BLVRA: variants seen among roughly 807,000 people sequenced by gnomAD.
BLVRA encodes BVR A.
In BLVRA, 22 loss-of-function variants were observed where a neutral mutation model predicts 32.8. The ratio of observed to expected loss-of-function variants is 0.67; its 90% CI spans 0.48 to 0.96. The LOEUF is 0.96. BLVRA is among the 40% of genes least tolerant of loss of function. The pLI is 0.00. For synonymous variants in BLVRA, 119 were observed against 141.3 expected (o/e 0.84, Z 1.12); for missense variants, 323 against 358.1 (o/e 0.90, Z 0.79).
At position 43,776,825 on chromosome 7, in the gene BLVRA, C is replaced by T. The variant is rs548561700; in HGVS notation, c.12+5655C>T. On this transcript the variant is annotated intron_variant, in intron 2 of 7. Transcript: ENST00000265523. ...GACTTGCTTTATGAATCTGGGTGCT[C>T]CTGTATTGGGTGCATATATATTTAG... 9.4e-4 allele frequency among the ~76,000 whole-genome samples: 143 copies of T among 152,140 alleles called. No individual in the cohort carries two copies. The Middle Eastern group carries it at 0.014, about 14-fold the overall frequency.
At chr7:43,766,139 G>A (rs942861302) in intron 1 of BLVRA, among the ~76,000 whole-genome samples, 7 of 151,932 alleles carry the variant, frequency 4.6e-5, no homozygotes, top group African/African-American at 9.6e-5. Flanking sequence ...AATAATTAGC[G>A]TGGTGGTGTG....
intron 1 of BLVRA, among the ~76,000 whole-genome samples, chr7:43,770,007 G>T (rs6972339): frequency 0.011 from 1,612 of 152,312 alleles, 31 homozygotes; most frequent in African/African-American, 0.037. Context: ...GTTTGTTTTG[G>T]AATGGGGGTG....
intron 1 of BLVRA, among the ~76,000 whole-genome samples, chr7:43,765,695 A>G (rs1465309730): frequency 6.6e-6 from 1 of 152,242 alleles, no homozygotes; most frequent in Non-Finnish European, 1.5e-5. Context: ...ACTTGGTAAG[A>G]TGTTCTAAAA....
chr7:43,771,642 A>G (rs2095754761), intron 2 of BLVRA, among the ~76,000 whole-genome samples: 1 of 152,188 alleles, frequency 6.6e-6, no homozygotes, highest in Non-Finnish European at 1.5e-5. Context: ...CTTGGGGTTC[A>G]TCACTTCAGC....
intron 1 of BLVRA, among the ~76,000 whole-genome samples, chr7:43,767,092 G>A (rs115881047): frequency 0.01 from 1,554 of 152,182 alleles, 29 homozygotes; most frequent in African/African-American, 0.036. Flanking sequence ...CTTCTTTCTC[G>A]TGCATATGCA....
At chr7:43,802,034 T>C (rs1030524545) in intron 6 of BLVRA, among the ~76,000 whole-genome samples, 6 of 151,908 alleles carry the variant, frequency 3.9e-5, no homozygotes, top group Non-Finnish European at 7.4e-5. Flanking sequence ...TTCAGCTACT[T>C]GAAAGGCTGA....
intron 3 of BLVRA, among the ~76,000 whole-genome samples, chr7:43,788,803 A>AT (rs764196616): frequency 0.011 from 1,477 of 139,584 alleles, 15 homozygotes; most frequent in East Asian, 0.049. Context: ...CGCCTGGATA[A>AT]TTTTTTTTTT....
intron 2 of BLVRA, among the ~76,000 whole-genome samples, chr7:43,776,600 G>GA (rs1242978453): frequency 6.6e-6 from 1 of 152,090 alleles, no homozygotes; most frequent in Non-Finnish European, 1.5e-5. Context: ...GTGTGGTGCC[G>GA]AAAAAAATGT....
chr7:43,801,619 CTG>C (rs3063069), intron 6 of BLVRA, among the ~76,000 whole-genome samples: 16,449 of 148,960 alleles, frequency 0.11, 1,117 homozygotes, highest in Non-Finnish European at 0.16. Context: ...GTACAAGAAA[CTG>C]TGTTAAGTTA....
chr7:43,770,557 T>C lies in BLVRA; in HGVS notation c.-21-581T>C, dbSNP rs182606355. 3.0e-4 allele frequency among the ~76,000 whole-genome samples: 46 copies of C among 152,250 alleles called. 1 individual carries two copies. Among genetic ancestry groups the C allele is most frequent in the Middle Eastern group, 3.4e-3 (1 of 294 alleles). On this transcript the variant is annotated intron_variant, in intron 1 of 7. Transcript: ENST00000265523. ...GACCCCTGTTAAGCCGTGTTGTTGC[T>C]TTCTTTTCCTTCACTCTCTGGTCTC...
chr7:43,761,836 AAGT>A (rs1411173069), intron 1 of BLVRA, among the ~76,000 whole-genome samples: 2 of 152,218 alleles, frequency 1.3e-5, no homozygotes, highest in Non-Finnish European at 2.9e-5. Context: ...AGCAAAAAGA[AAGT>A]AGTCACTAAA....
chr7:43,758,414 G>T (rs1224262224), upstream of BLVRA, among the ~76,000 whole-genome samples: 1 of 111,278 alleles, frequency 9.0e-6, no homozygotes, highest in Non-Finnish European at 2.3e-5. Flanking sequence ...ACGCCCTCCG[G>T]TCGGCCGGCA....
intron 5 of BLVRA, 38 bp from the exon 6 acceptor site, chr7:43,800,427 T>A (rs977286663): frequency 6.3e-7 from 1 of 1,587,732 alleles, no homozygotes; most frequent in Non-Finnish European, 8.6e-7. Flanking sequence ...TAGACACAAC[T>A]GACGACTGCC....
intron 1 of BLVRA, among the ~76,000 whole-genome samples, chr7:43,765,113 T>C (rs1207216225): frequency 2.0e-5 from 3 of 152,250 alleles, no homozygotes; most frequent in Non-Finnish European, 2.9e-5. Context: ...AGGAGAAACC[T>C]GCTTTAAATT....
At chr7:43,797,793 A>T (rs953726123) in intron 5 of BLVRA, among the ~76,000 whole-genome samples, 3 of 152,124 alleles carry the variant, frequency 2.0e-5, no homozygotes, top group Non-Finnish European at 4.4e-5. Flanking sequence ...TCTTTTCTTG[A>T]CAATTATGAA....
intron 5 of BLVRA, among the ~76,000 whole-genome samples, chr7:43,795,291 G>A (rs959046423): frequency 2.6e-5 from 4 of 151,838 alleles, no homozygotes; most frequent in Non-Finnish European, 2.9e-5. Context: ...TGAGGCGGGC[G>A]AATCACCTGA....
chr7:43,788,241 G>A (rs2095780726), intron 3 of BLVRA, among the ~76,000 whole-genome samples: 1 of 152,172 alleles, frequency 6.6e-6, no homozygotes, highest in Non-Finnish European at 1.5e-5. Flanking sequence ...GGTTGGCCTG[G>A]GAGACTGGAA....
chr7:43,786,102 TA>T (rs1000278585), intron 2 of BLVRA, among the ~76,000 whole-genome samples: 6 of 151,656 alleles, frequency 4.0e-5, no homozygotes, highest in African/African-American at 1.2e-4. Context: ...TTAGACTGAG[TA>T]AAAAAAAGCA....
chr7:43,767,200 A>G (rs2095749200), intron 1 of BLVRA: 2 of 615,984 alleles, frequency 3.2e-6, no homozygotes, highest in Non-Finnish European at 2.9e-6. Flanking sequence ...TCTGTAGGCC[A>G]CTTTTATAGG....
Sources: allele counts gnomAD v4.1 joint callset (sites outside exome capture counted in the v4.1 genomes callset), GRCh38; gene constraint gnomAD v4.1.1; transcripts MANE v1.5; gene names NCBI Gene and HGNC (gene_info 2026-07-23, HGNC 2026-07-21).